ROR2: variants seen among roughly 807,000 people sequenced by gnomAD.
ROR2 encodes the protein tyrosine-protein kinase transmembrane receptor ROR2.
ROR2 carries 33 observed loss-of-function variants against 74.9 expected under a neutral mutation model. The ratio of observed to expected loss-of-function variants is 0.44; its 90% CI spans 0.33 to 0.59. ROR2 has a LOEUF of 0.59. Among genes scored for constraint, ROR2 ranks in the 20% least tolerant of loss-of-function variants. ROR2 has a pLI of 0.02. For synonymous variants in ROR2, 586 were observed against 558.7 expected (o/e 1.05, Z -0.69); for missense variants, 1,216 against 1,313.8 (o/e 0.93, Z 1.15).
Position 91,888,585 on chromosome 9 carries a change from T to C in ROR2, c.97+61282A>G, listed in dbSNP as rs533319276. Among the ~76,000 whole-genome samples, 12 of 152,328 alleles carry C rather than the reference T, an allele frequency of 7.9e-5. No homozygotes were observed. The South Asian group carries it at 1.9e-3, about 24-fold the overall frequency. On this transcript the variant is annotated intron_variant, in intron 1 of 8. Transcript: ENST00000375708. ...CAAGTGAAGCCAGGCTGGGATGCGA[T>C]TGAAGCTGTAATCAACACTTCTGCC...
chr9:91,916,620 G>GT (rs1201787880), intron 1 of ROR2, among the ~76,000 whole-genome samples: 3 of 152,078 alleles, frequency 2.0e-5, no homozygotes, highest in African/African-American at 7.2e-5. Context: ...ATTATGTACG[G>GT]TTTTTTCCTT....
chr9:91,779,347 C>T (rs1232257627), intron 1 of ROR2, among the ~76,000 whole-genome samples: 1 of 150,652 alleles, frequency 6.6e-6, no homozygotes, highest in African/African-American at 2.5e-5. Context: ...AAACATTCTA[C>T]CTCCAAACAC....
At chr9:91,787,095 T>A (rs189342330) in intron 1 of ROR2, among the ~76,000 whole-genome samples, 4 of 152,264 alleles carry the variant, frequency 2.6e-5, no homozygotes, top group South Asian at 2.1e-4. Flanking sequence ...CTCATACAGA[T>A]CTTTGATGAA....
intron 1 of ROR2, among the ~76,000 whole-genome samples, chr9:91,827,913 ATGT>A (rs1828343339): frequency 6.6e-6 from 1 of 152,210 alleles, no homozygotes; most frequent in African/African-American, 2.4e-5. Flanking sequence ...GGGCAGTGCC[ATGT>A]TGTTGTAGTT....
chr9:91,837,072 A>G (rs1215017604), intron 1 of ROR2, among the ~76,000 whole-genome samples: 1 of 152,258 alleles, frequency 6.6e-6, no homozygotes, highest in Non-Finnish European at 1.5e-5. Flanking sequence ...AACAACTTTA[A>G]AAGTTCACTC....
intron 1 of ROR2, among the ~76,000 whole-genome samples, chr9:91,949,496 G>T (rs998361527): frequency 2.0e-5 from 3 of 151,934 alleles, no homozygotes; most frequent in Non-Finnish European, 4.4e-5. Flanking sequence ...AGGAAGCCCG[G>T]GTCCTGGGAC....
At chr9:91,725,657 G>A (rs1300674903) in intron 8 of ROR2, among the ~76,000 whole-genome samples, 1 of 152,154 alleles carries the variant, frequency 6.6e-6, no homozygotes, top group Non-Finnish European at 1.5e-5. Context: ...CTGTCCATGG[G>A]CCTCTTGACT....
chr9:91,827,373 T>A (rs1021292773), intron 1 of ROR2, among the ~76,000 whole-genome samples: 1 of 152,170 alleles, frequency 6.6e-6, no homozygotes, highest in Non-Finnish European at 1.5e-5. Context: ...ATCACACCAT[T>A]GCACTCCAGC....
At position 91,891,430 on chromosome 9, in the gene ROR2, G is replaced by A. The variant is rs555936744; in HGVS notation, c.97+58437C>T. 4.7e-4 allele frequency among the ~76,000 whole-genome samples: 71 copies of A among 151,928 alleles called. 1 individual carries two copies. The highest frequency in any genetic ancestry group is 8.4e-4 in the Non-Finnish European group (57 of 67,962). ...ATTACAGGCACCCAACACCACTCCCGGCTAATTTTTGTATTTTTAGTAGAG... is the reference window on the plus strand; with the variant it reads ...ATTACAGGCACCCAACACCACTCCCAGCTAATTTTTGTATTTTTAGTAGAG... On this transcript the variant is annotated intron_variant, in intron 1 of 8. Coordinates refer to ENST00000375708, the MANE Select transcript of ROR2 (RefSeq NM_004560.4).
chr9:91,798,390 G>A (rs1827253079), intron 1 of ROR2, among the ~76,000 whole-genome samples: 1 of 110,822 alleles, frequency 9.0e-6, no homozygotes, highest in South Asian at 3.2e-4. Context: ...CCCTGGGCTA[G>A]TGGGCGGGGC....
chr9:91,808,426 T>A (rs1211942122), intron 1 of ROR2, among the ~76,000 whole-genome samples: 1 of 151,816 alleles, frequency 6.6e-6, no homozygotes, highest in Non-Finnish European at 1.5e-5. Flanking sequence ...GGTCAGGAGA[T>A]CAAGACCATC....
intron 1 of ROR2, among the ~76,000 whole-genome samples, chr9:91,846,495 A>G (rs1587776738): frequency 6.6e-6 from 1 of 152,136 alleles, no homozygotes; most frequent in African/African-American, 2.4e-5. Context: ...TCCAAACTGT[A>G]GGAAATCAAT....
At chr9:91,910,643 C>T (rs554009261) in intron 1 of ROR2, among the ~76,000 whole-genome samples, 1 of 151,480 alleles carries the variant, frequency 6.6e-6, no homozygotes, top group South Asian at 2.1e-4. Flanking sequence ...AATTGGTTTT[C>T]ATTAAATACA....
chr9:91,933,104 A>G (rs1423467591), intron 1 of ROR2, among the ~76,000 whole-genome samples: 1 of 152,154 alleles, frequency 6.6e-6, no homozygotes, highest in Admixed American at 6.5e-5. Context: ...TGAGGTCAGA[A>G]CATCGAGACT....
intron 1 of ROR2, among the ~76,000 whole-genome samples, chr9:91,828,697 G>C (rs1828365030): frequency 6.6e-6 from 1 of 152,140 alleles, no homozygotes; most frequent in African/African-American, 2.4e-5. Context: ...CTGAGTAACA[G>C]AGCAAGACCC....
rs570706687 is a variant in ROR2 at position 91,724,691 on chromosome 9, C to T, written c.1803G>A (p.Ala601=). 40 of 1,614,208 alleles carry T rather than the reference C, an allele frequency of 2.5e-5. No individual in the cohort carries two copies. Among genetic ancestry groups the T allele is most frequent in the Middle Eastern group, 1.6e-4 (1 of 6,062 alleles). ...GGTGGCTGGATAGGTACTCCATCCC[C>T]GCCGCGATCTGTGCCACAAGGTGCA... ...DFVHLVAQIA[A]GMEYLSSHHV... is the part of the protein sequence containing the mutation. Residue 601 remains alanine, a synonymous_variant, in exon 9 of 9, where the codon GCG becomes GCA. Transcript: ENST00000375708.
intron 1 of ROR2, among the ~76,000 whole-genome samples, chr9:91,882,864 TG>T (rs1407981070): frequency 6.6e-6 from 1 of 152,144 alleles, no homozygotes; most frequent in Non-Finnish European, 1.5e-5. Flanking sequence ...TGCTGACACC[TG>T]ATCTGGGACT....
intron 1 of ROR2, among the ~76,000 whole-genome samples, chr9:91,934,113 G>GT (rs1564049437): frequency 6.6e-6 from 1 of 152,064 alleles, no homozygotes; most frequent in African/African-American, 2.4e-5. Context: ...GGATGCGGGG[G>GT]GGCGAGTGAA....
chr9:91,812,392 G>T lies in ROR2; in HGVS notation c.98-36574C>A, dbSNP rs550136500. ...AACAAATACATCCTCAGGCTCCTGC[G>T]CGGGGGCCGGGCATGTGGGGAGGGG... On this transcript the variant is annotated intron_variant, in intron 1 of 8. Transcript: ENST00000375708. Among the ~76,000 whole-genome samples the T allele has an allele frequency of 2.8e-4, 42 of 152,120 alleles. 1 individual carries two copies. Among genetic ancestry groups the T allele is most frequent in the Non-Finnish European group, 5.1e-4 (35 of 67,992 alleles).
Sources: allele counts gnomAD v4.1 joint callset (sites outside exome capture counted in the v4.1 genomes callset), GRCh38; gene constraint gnomAD v4.1.1; transcripts MANE v1.5; gene names NCBI Gene and HGNC (gene_info 2026-07-23, HGNC 2026-07-21).